The following DMD variants were observed in gnomAD, a reference collection of about 807,000 sequenced individuals.
DMD encodes the protein mutant dystrophin.
Under a neutral mutation model 330.1 loss-of-function variants are expected in DMD, and 63 were observed. That is an observed-to-expected ratio of 0.19 (90% confidence interval 0.16 to 0.24). DMD has a LOEUF of 0.24. Ranked by LOEUF, DMD falls within the 10% of genes least tolerant of loss-of-function variation. DMD has a pLI of 1.00. For synonymous variants in DMD, 1,223 were observed against 959.8 expected (o/e 1.27, Z -5.07); for missense variants, 3,344 against 2,684.1 (o/e 1.25, Z -5.43).
chrX:31,223,804 A>T (rs1485577968), intron 63 of DMD, among the ~76,000 whole-genome samples: 1 of 112,442 alleles, frequency 8.9e-6, no homozygotes, highest in Non-Finnish European at 1.9e-5. Flanking sequence ...TAAACCTTTT[A>T]AATAAGCACT....
At chrX:32,143,668 G>C (rs2096764302) in intron 44 of DMD, among the ~76,000 whole-genome samples, 1 of 107,067 alleles carries the variant, frequency 9.3e-6, no homozygotes, top group East Asian at 2.9e-4. Flanking sequence ...TTAACCTCCC[G>C]AGTAGCTGGG....
chrX:32,881,200 T>A (rs1386472836), intron 2 of DMD, among the ~76,000 whole-genome samples: 4 of 112,365 alleles, frequency 3.6e-5, no homozygotes, highest in Non-Finnish European at 7.5e-5. Context: ...TTTATCAAAT[T>A]CTTTCTCTTT....
intron 13 of DMD, among the ~76,000 whole-genome samples, chrX:32,590,773 G>C (rs1013740537): frequency 9.0e-6 from 1 of 111,125 alleles, no homozygotes; most frequent in Non-Finnish European, 1.9e-5. Context: ...AGCTTCTCTG[G>C]TCTTGAGGCT....
At chrX:32,565,659 A>T (rs969872085) in intron 16 of DMD, 43 bp downstream of exon 16, 1 of 1,173,734 alleles carries the variant, frequency 8.5e-7, no homozygotes, top group African/African-American at 1.8e-5. Flanking sequence ...AGGTTTAAAA[A>T]ATCTCTGAGA....
intron 1 of DMD, among the ~76,000 whole-genome samples, chrX:33,251,483 C>A: frequency 9.0e-6 from 1 of 111,430 alleles, no homozygotes; most frequent in Non-Finnish European, 1.9e-5. Context: ...CTTTTTCTGC[C>A]AGGGACTGCC....
intron 54 of DMD, among the ~76,000 whole-genome samples, chrX:31,656,582 T>C (rs1044326195): frequency 8.9e-6 from 1 of 112,037 alleles, no homozygotes; most frequent in African/African-American, 3.2e-5. Flanking sequence ...GAGAAGCAGA[T>C]ATTTCCCACT....
intron 21 of DMD, among the ~76,000 whole-genome samples, chrX:32,480,713 A>T (rs1301216142): frequency 1.8e-5 from 2 of 109,738 alleles, no homozygotes; most frequent in African/African-American, 6.8e-5. Context: ...TATAGCTTTA[A>T]CTTGGCATTT....
At chrX:31,336,565 T>C (rs940431485) in intron 61 of DMD, among the ~76,000 whole-genome samples, 1 of 112,524 alleles carries the variant, frequency 8.9e-6, no homozygotes, top group Non-Finnish European at 1.9e-5. Flanking sequence ...CAAATGCCAA[T>C]AGTGCCCAGG....
At chrX:32,554,286 G>A (rs949833537) in intron 16 of DMD, among the ~76,000 whole-genome samples, 1 of 110,912 alleles carries the variant, frequency 9.0e-6, no homozygotes, top group Non-Finnish European at 1.9e-5. Flanking sequence ...AGGAGATAAA[G>A]ACATGAAAAA....
intron 41 of DMD, among the ~76,000 whole-genome samples, chrX:32,313,800 G>T (rs977910140): frequency 1.1e-4 from 12 of 111,201 alleles, no homozygotes; most frequent in Non-Finnish European, 2.3e-4. Context: ...ATTAAAAATT[G>T]CTACAAAGAG....
intron 51 of DMD, among the ~76,000 whole-genome samples, chrX:31,764,364 T>G (rs1228177346): frequency 8.9e-6 from 1 of 111,748 alleles, no homozygotes. Context: ...AATTTTTATG[T>G]AGAATTTCTC....
intron 1 of DMD, among the ~76,000 whole-genome samples, chrX:33,278,850 T>C (rs1280346981): frequency 1.8e-5 from 2 of 111,590 alleles, no homozygotes; most frequent in Non-Finnish European, 3.8e-5. Context: ...ATAAAGGGTG[T>C]AATTCAACAA....
At chrX:32,227,194 A>G (rs2097150857) in intron 43 of DMD, among the ~76,000 whole-genome samples, 1 of 95,661 alleles carries the variant, frequency 1.0e-5, no homozygotes, top group Admixed American at 1.2e-4. Context: ...TTTTATTTAT[A>G]TGTGTGTGAA....
At chrX:31,515,687 T>C (rs942807018) in intron 55 of DMD, among the ~76,000 whole-genome samples, 2 of 111,904 alleles carry the variant, frequency 1.8e-5, no homozygotes, top group Admixed American at 9.5e-5. Context: ...AAAGGAGCCA[T>C]GGGCATGCAT....
chrX:31,601,394 T>C (rs1036997213), intron 55 of DMD, among the ~76,000 whole-genome samples: 1 of 112,490 alleles, frequency 8.9e-6, no homozygotes, highest in African/African-American at 3.2e-5. Context: ...TGGCTGACCA[T>C]AGACAAGGTC....
At chrX:31,900,153 T>C (rs2094402731) in intron 47 of DMD, among the ~76,000 whole-genome samples, 1 of 111,323 alleles carries the variant, frequency 9.0e-6, no homozygotes, top group African/African-American at 3.3e-5. Flanking sequence ...GAACAGAGAG[T>C]TAATTCTCAC....
chrX:32,378,964 C>T (rs1206972384), intron 34 of DMD, among the ~76,000 whole-genome samples: 1 of 108,426 alleles, frequency 9.2e-6, no homozygotes, highest in South Asian at 3.9e-4. Context: ...ATGTGACTGG[C>T]TTAGATCTGC....
intron 1 of DMD, among the ~76,000 whole-genome samples, chrX:33,332,105 A>G (rs1201006166): frequency 1.8e-5 from 2 of 111,847 alleles, no homozygotes; most frequent in Non-Finnish European, 3.8e-5. Context: ...CATTTAATTT[A>G]AAGATAGTGT....
At chrX:32,527,952 CGT>C (rs997322060) in intron 17 of DMD, among the ~76,000 whole-genome samples, 18 of 111,437 alleles carry the variant, frequency 1.6e-4, no homozygotes, top group African/African-American at 5.9e-4. Flanking sequence ...ATGTGTGATA[CGT>C]GTGTGTTTGT....
Sources: allele counts gnomAD v4.1 joint callset (sites outside exome capture counted in the v4.1 genomes callset), GRCh38; gene constraint gnomAD v4.1.1; transcripts MANE v1.5; gene names NCBI Gene and HGNC (gene_info 2026-07-23, HGNC 2026-07-21).